Variants in CDH2 observed in about 807,000 individuals in gnomAD.
CDH2 encodes cadherin 2.
Under a neutral mutation model 92.0 loss-of-function variants are expected in CDH2, and 17 were observed. The ratio of observed to expected loss-of-function variants is 0.18; its 90% CI spans 0.13 to 0.28. The LOEUF (loss-of-function observed/expected upper bound fraction) is 0.28, where lower values mean the gene tolerates loss of function less well. Among genes scored for constraint, CDH2 ranks in the 10% least tolerant of loss-of-function variants. The pLI is 1.00. For missense variants in CDH2, 862 were observed against 1,133.1 expected (o/e 0.76, Z 3.44); for synonymous variants, 419 against 415.9 (o/e 1.01, Z -0.09).
downstream of CDH2, among the ~76,000 whole-genome samples, chr18:27,947,881 T>G (rs1463036171): frequency 6.7e-6 from 1 of 149,794 alleles, no homozygotes; most frequent in South Asian, 2.1e-4. Context: ...TGGGTTTATA[T>G]TGAAGTTTTT....
At chr18:28,017,898 C>CTGGA (rs1258255902) in intron 2 of CDH2, among the ~76,000 whole-genome samples, 2 of 152,180 alleles carry the variant, frequency 1.3e-5, no homozygotes, top group East Asian at 3.9e-4. Context: ...CAACACAGTA[C>CTGGA]TGGAAGTCCT....
Position 27,988,651 on chromosome 18 carries a change from A to G in CDH2, c.1614T>C (p.Ser538=). ...CTATTTTTAGCCAATTGGCAGGATC[A>G]GATAATTTAGTGTATCTACAAAATG... ...MQQNIRYTKL[S]DPANWLKIDP... Residue 538 remains serine, a synonymous_variant, in exon 11 of 16, where the codon TCT becomes TCC. Transcript: ENST00000269141. The G allele has an allele frequency of 1.2e-6, 2 of 1,601,722 alleles. No individual in the cohort carries two copies. The highest frequency in any genetic ancestry group is 1.7e-6 in the Non-Finnish European group (2 of 1,170,096).
At chr18:28,020,859 T>C (rs1055061492) in intron 2 of CDH2, among the ~76,000 whole-genome samples, 6 of 151,988 alleles carry the variant, frequency 3.9e-5, no homozygotes, top group Non-Finnish European at 7.4e-5. Flanking sequence ...GTAACAAATA[T>C]ACCACACTAA....
intron 1 of CDH2, 63 bp downstream of exon 1, chr18:28,176,900 A>C (rs1232236302): frequency 1.6e-5 from 16 of 993,988 alleles, no homozygotes; most frequent in Non-Finnish European, 2.0e-5. Context: ...GCGGGGAACA[A>C]AGGGACCCGG....
chr18:28,084,736 A>G (rs1228610105), intron 2 of CDH2, among the ~76,000 whole-genome samples: 1 of 152,126 alleles, frequency 6.6e-6, no homozygotes, highest in African/African-American at 2.4e-5. Context: ...GGATCAATAC[A>G]GCAAAGCACG....
At chr18:28,165,615 G>T (rs1040371241) in intron 1 of CDH2, among the ~76,000 whole-genome samples, 1 of 151,992 alleles carries the variant, frequency 6.6e-6, no homozygotes, top group Non-Finnish European at 1.5e-5. Flanking sequence ...TGGGCATACT[G>T]AAAGAGAAAC....
intron 2 of CDH2, among the ~76,000 whole-genome samples, chr18:28,016,732 T>C (rs1220593716): frequency 6.6e-6 from 1 of 152,156 alleles, no homozygotes; most frequent in Non-Finnish European, 1.5e-5. Context: ...GTCACTCATA[T>C]CTAAAGCTTT....
At chr18:28,066,167 T>C (rs1377408571) in intron 2 of CDH2, among the ~76,000 whole-genome samples, 1 of 152,100 alleles carries the variant, frequency 6.6e-6, no homozygotes, top group Non-Finnish European at 1.5e-5. Context: ...GAAATTACAA[T>C]GGACTGAACT....
chr18:28,036,387 T>G, intron 2 of CDH2: 1 of 768,820 alleles, frequency 1.3e-6, no homozygotes, highest in East Asian at 2.4e-5. Flanking sequence ...ACTTTGTACA[T>G]AAGTCTTCTC....
intron 1 of CDH2, among the ~76,000 whole-genome samples, chr18:28,162,792 T>G (rs1454842256): frequency 6.6e-6 from 1 of 152,188 alleles, no homozygotes; most frequent in Non-Finnish European, 1.5e-5. Context: ...TGCCTTCAGG[T>G]GAGTGGTTTC....
At chr18:27,982,430 T>C (rs1271136724) in intron 14 of CDH2, among the ~76,000 whole-genome samples, 1 of 152,198 alleles carries the variant, frequency 6.6e-6, no homozygotes, top group Non-Finnish European at 1.5e-5. Context: ...ATGAACTAGA[T>C]GTTAACTCTA....
intron 2 of CDH2, among the ~76,000 whole-genome samples, chr18:28,144,815 GA>G (rs1445278015): frequency 6.6e-6 from 1 of 151,934 alleles, no homozygotes; most frequent in Non-Finnish European, 1.5e-5. Flanking sequence ...CCCTTTTTAT[GA>G]TTTCACAAAA....
intron 6 of CDH2, among the ~76,000 whole-genome samples, chr18:27,939,307 T>C (rs1909084892): frequency 6.6e-6 from 1 of 152,176 alleles, no homozygotes; most frequent in South Asian, 2.1e-4. Context: ...AGAGCTACAT[T>C]ACTTCTATTT....
intron 6 of CDH2, among the ~76,000 whole-genome samples, chr18:27,945,589 T>C (rs560006211): frequency 5.3e-5 from 8 of 152,066 alleles, no homozygotes; most frequent in Non-Finnish European, 1.2e-4. Flanking sequence ...AAAGCTACAA[T>C]GCGGTAAACA....
intron 2 of CDH2, among the ~76,000 whole-genome samples, chr18:28,060,641 T>C (rs2014385513): frequency 6.6e-6 from 1 of 152,228 alleles, no homozygotes; most frequent in Non-Finnish European, 1.5e-5. Context: ...GGGATAGGTT[T>C]TGTTCCTCAT....
At chr18:28,007,165 A>AAAATATATAT (rs1172779200) in intron 5 of CDH2, among the ~76,000 whole-genome samples, 93 of 110,454 alleles carry the variant, frequency 8.4e-4, no homozygotes, top group Non-Finnish European at 1.1e-3. Context: ...ATAAAAAAAA[A>AAAATATATAT]ATATATATAT....
In CDH2 at chr18:28,007,193, T is replaced by TATATATATAC. The variant is rs778626652; in HGVS notation, c.703-1201_703-1200insGTATATATAT. On this transcript the variant is annotated intron_variant, in intron 5 of 15. Transcript: ENST00000269141. ...ATATATATATATATATATATATATA[T>TATATATATAC]ACGAGTATATACGATAGCTGTTCCT... is the stretch of plus-strand genomic sequence containing the variant. Among the ~76,000 whole-genome samples the TATATATATAC allele has an allele frequency of 1.3e-3, 180 of 142,122 alleles. 3 individuals carry two copies. Among genetic ancestry groups the TATATATATAC allele is most frequent in the South Asian group, 1.3e-3 (6 of 4,564 alleles). The allele number at this position is 142,122 out of a possible 152,430, so 93.2% of individuals were successfully genotyped here. A position where few individuals can be genotyped will look rare whatever the true frequency, so the allele number is the denominator to read the frequency against.
intron 1 of CDH2, 95 bp from the exon 2 acceptor site, chr18:28,147,879 A>G: frequency 1.5e-6 from 1 of 680,232 alleles, no homozygotes; most frequent in Non-Finnish European, 2.5e-6. Context: ...CATTTTTTCA[A>G]CTATCTTGTA....
chr18:28,107,326 G>A (rs2015338209), intron 2 of CDH2, among the ~76,000 whole-genome samples: 1 of 151,998 alleles, frequency 6.6e-6, no homozygotes, highest in Admixed American at 6.6e-5. Flanking sequence ...TACCAATACT[G>A]TGTTTAAAAT....
Sources: gnomAD v4.1 joint callset for allele counts (sites outside exome capture counted in the v4.1 genomes callset) on GRCh38, gnomAD v4.1.1 for gene constraint, MANE v1.5 for transcripts, NCBI Gene and HGNC (gene_info 2026-07-23, HGNC 2026-07-21) for gene names.